Variants in SHANK2 observed in about 807,000 individuals in gnomAD.
SHANK2 encodes the protein SH3 and multiple ankyrin repeat domains 2, also known as SH3 and multiple ankyrin repeat domains protein 2.
A neutral mutation model predicts 133.7 loss-of-function variants in SHANK2; 43 were observed. That is an observed-to-expected ratio of 0.32 (90% confidence interval 0.25 to 0.41). The LOEUF is 0.41. SHANK2 is among the 10% of genes least tolerant of loss of function. SHANK2 has a pLI of 1.00. For synonymous variants in SHANK2, 1,017 were observed against 952.8 expected (o/e 1.07, Z -1.24); for missense variants, 1,994 against 2,235.8 (o/e 0.89, Z 2.18).
intron 17 of SHANK2, among the ~76,000 whole-genome samples, chr11:70,635,957 A>T (rs551153184): frequency 1.3e-4 from 20 of 152,328 alleles, no homozygotes; most frequent in South Asian, 1.2e-3. Context: ...TCTCTGCCAC[A>T]TCCACCCCTC....
At chr11:70,667,192 G>A (rs1168041757) in intron 15 of SHANK2, among the ~76,000 whole-genome samples, 2 of 152,172 alleles carry the variant, frequency 1.3e-5, no homozygotes, top group Non-Finnish European at 2.9e-5. Flanking sequence ...GGCTGCCCTG[G>A]CCATGCTGCC....
intron 14 of SHANK2, among the ~76,000 whole-genome samples, chr11:70,709,699 T>C (rs1945737440): frequency 6.6e-6 from 1 of 152,124 alleles, no homozygotes; most frequent in South Asian, 2.1e-4. Flanking sequence ...GTTGGGCCGA[T>C]GGAGCGTGTG....
chr11:70,494,583 C>G (rs2058942292), intron 21 of SHANK2, among the ~76,000 whole-genome samples: 1 of 152,146 alleles, frequency 6.6e-6, no homozygotes, highest in Non-Finnish European at 1.5e-5. Context: ...TGTGAGCCAC[C>G]ACACCCAGCC....
intron 10 of SHANK2, among the ~76,000 whole-genome samples, chr11:70,897,353 T>G (rs1949951047): frequency 6.6e-6 from 1 of 152,160 alleles, no homozygotes; most frequent in Admixed American, 6.5e-5. Flanking sequence ...CCTGGAGAAA[T>G]ACACATACAT....
chr11:71,187,894 G>A (rs558601522), intron 2 of SHANK2, among the ~76,000 whole-genome samples: 57 of 152,276 alleles, frequency 3.7e-4, no homozygotes, highest in Admixed American at 1.3e-3. Flanking sequence ...CTCCCACAAC[G>A]CAACGTGCTG....
intron 9 of SHANK2, among the ~76,000 whole-genome samples, chr11:71,071,671 G>A (rs1317953390): frequency 6.6e-6 from 1 of 152,226 alleles, no homozygotes; most frequent in African/African-American, 2.4e-5. Context: ...GTTTTCCAGG[G>A]CAAAGAATCC....
chr11:70,574,640 C>G (rs561773530), intron 17 of SHANK2, among the ~76,000 whole-genome samples: 39 of 144,166 alleles, frequency 2.7e-4, no homozygotes, highest in African/African-American at 9.8e-4. Context: ...TGCATGCAGC[C>G]CTGGCTCCAC....
intron 17 of SHANK2, among the ~76,000 whole-genome samples, chr11:70,650,585 C>A (rs934745325): frequency 6.6e-6 from 1 of 152,204 alleles, no homozygotes; most frequent in African/African-American, 2.4e-5. Flanking sequence ...GTACCTACTT[C>A]ACTAACAACC....
At chr11:70,573,808 T>C (rs1341000997) in intron 17 of SHANK2, among the ~76,000 whole-genome samples, 1 of 152,164 alleles carries the variant, frequency 6.6e-6, no homozygotes, top group Non-Finnish European at 1.5e-5. Context: ...TCTGTCTGAC[T>C]TAGAGTATGC....
At chr11:70,871,196 A>T (rs949060399) in intron 11 of SHANK2, among the ~76,000 whole-genome samples, 4 of 152,226 alleles carry the variant, frequency 2.6e-5, no homozygotes, top group Admixed American at 1.3e-4. Context: ...ACACTCTGAG[A>T]TCCTCAGGGT....
chr11:70,490,246 A>G (rs782642356), intron 23 of SHANK2, 30 bp downstream of exon 23: 2 of 1,579,120 alleles, frequency 1.3e-6, no homozygotes, highest in Admixed American at 3.3e-5. Context: ...CCCAGGGGCA[A>G]CTTCTGTGGG....
intron 17 of SHANK2, among the ~76,000 whole-genome samples, chr11:70,503,722 A>G (rs1305998892): frequency 6.6e-6 from 1 of 152,236 alleles, no homozygotes; most frequent in Admixed American, 6.5e-5. Context: ...GAACGGACTC[A>G]GGGTGCCATC....
chr11:71,206,114 G>A (rs1954121944), intron 2 of SHANK2, among the ~76,000 whole-genome samples: 1 of 152,110 alleles, frequency 6.6e-6, no homozygotes. Context: ...AAGAATACGC[G>A]AACTCACTCT....
chr11:70,591,116 C>T (rs145931866), intron 17 of SHANK2, among the ~76,000 whole-genome samples: 6 of 152,002 alleles, frequency 3.9e-5, no homozygotes, highest in Admixed American at 2.0e-4. Flanking sequence ...CCGAGGTGGG[C>T]GGATCACTGG....
intron 10 of SHANK2, among the ~76,000 whole-genome samples, chr11:70,905,083 G>A (rs1318753346): frequency 6.6e-6 from 1 of 152,102 alleles, no homozygotes; most frequent in Admixed American, 6.5e-5. Flanking sequence ...AGGTGGAGTG[G>A]GGTGGTGCCA....
In SHANK2 at chr11:70,849,642, T is replaced by C. The variant is rs78557887; in HGVS notation, c.1175-28960A>G. Reference sequence around the variant, plus strand: ...TATACATGTTAGCATGCAGTAGCCATACTCCTTCCTCTCTTTGAATTTTCT... The same window carrying C: ...TATACATGTTAGCATGCAGTAGCCACACTCCTTCCTCTCTTTGAATTTTCT... On this transcript the variant is annotated intron_variant, in intron 11 of 25. Transcript: ENST00000601538. Among the ~76,000 whole-genome samples, 334 of 152,310 alleles carry C rather than the reference T, an allele frequency of 2.2e-3. 8 individuals carry two copies. The East Asian group carries it at 0.057, about 26-fold the overall frequency.
chr11:70,730,455 A>G (rs1040716305), intron 14 of SHANK2, among the ~76,000 whole-genome samples: 6 of 152,040 alleles, frequency 3.9e-5, no homozygotes, highest in African/African-American at 1.4e-4. Flanking sequence ...GCACACCCCT[A>G]ACTGGACTGC....
chr11:70,557,322 T>C (rs1455803945), intron 17 of SHANK2, among the ~76,000 whole-genome samples: 1 of 152,150 alleles, frequency 6.6e-6, no homozygotes, highest in African/African-American at 2.4e-5. Flanking sequence ...GATGATCACA[T>C]GTGAGTTCCA....
At chr11:70,892,598 G>A (rs1208487131) in intron 11 of SHANK2, among the ~76,000 whole-genome samples, 1 of 152,186 alleles carries the variant, frequency 6.6e-6, no homozygotes, top group Non-Finnish European at 1.5e-5. Flanking sequence ...GCATCAGATG[G>A]ACATGGGGTT....
Sources: allele counts gnomAD v4.1 joint callset (sites outside exome capture counted in the v4.1 genomes callset), GRCh38; gene constraint gnomAD v4.1.1; transcripts MANE v1.5; gene names NCBI Gene and HGNC (gene_info 2026-07-23, HGNC 2026-07-21).